SCAMP1: variants seen among roughly 807,000 people sequenced by gnomAD.
SCAMP1 encodes the protein secretory carrier-associated membrane protein 1.
A neutral mutation model predicts 41.8 loss-of-function variants in SCAMP1; 15 were observed. The observed-to-expected ratio is 0.36, with a 90% CI of 0.24 to 0.55. The LOEUF is 0.55. SCAMP1 is among the 20% of genes least tolerant of loss of function. The probability of loss-of-function intolerance (pLI) is 0.86; values close to 1 mark genes in which losing one functional copy is unlikely to be tolerated. For synonymous variants in SCAMP1, 135 were observed against 136.8 expected (o/e 0.99, Z 0.09); for missense variants, 341 against 412.6 (o/e 0.83, Z 1.50).
At chr5:78,428,289 C>T (rs1752516501) in intron 6 of SCAMP1, among the ~76,000 whole-genome samples, 1 of 152,052 alleles carries the variant, frequency 6.6e-6, no homozygotes, top group African/African-American at 2.4e-5. Flanking sequence ...CCAAATATTC[C>T]TCCACTACTT....
intron 2 of SCAMP1, among the ~76,000 whole-genome samples, chr5:78,395,870 A>G (rs1402343794): frequency 6.6e-6 from 1 of 152,232 alleles, no homozygotes; most frequent in Non-Finnish European, 1.5e-5. Flanking sequence ...GTGACATTCC[A>G]TCATTTTTAC....
At chr5:78,433,077 T>C (rs745346555) in intron 6 of SCAMP1, among the ~76,000 whole-genome samples, 50 of 152,170 alleles carry the variant, frequency 3.3e-4, no homozygotes, top group Non-Finnish European at 5.9e-4. Flanking sequence ...CCATATCCAT[T>C]TGGTAATTTC....
intron 1 of SCAMP1, among the ~76,000 whole-genome samples, chr5:78,387,874 G>A (rs1016295331): frequency 1.9e-4 from 29 of 152,354 alleles, no homozygotes; most frequent in African/African-American, 7.0e-4. Context: ...GCAGAGTGAA[G>A]TGGATATTTT....
chr5:78,403,402 G>GTA (rs985404916), intron 2 of SCAMP1, among the ~76,000 whole-genome samples: 3 of 151,720 alleles, frequency 2.0e-5, no homozygotes, highest in Non-Finnish European at 4.4e-5. Flanking sequence ...ACATATATAT[G>GTA]TATATATATA....
rs935833193 is a variant in SCAMP1 at position 78,415,459 on chromosome 5, T to G, written c.136-61T>G. ...TTTCATTTTATTGGTGTTATACTTT[T>G]TGAAAGAAGTTAAAGTTGGATCTCT... On this transcript the variant is annotated intron_variant, in intron 2 of 8. Transcript: ENST00000621999. 5 of 1,000,496 alleles carry G rather than the reference T, an allele frequency of 5.0e-6. No individual in the cohort carries two copies. The African/African-American group carries it at 6.5e-5, about 13-fold the overall frequency. The allele number at this position is 1,000,496 out of a possible 1,614,324, so 62.0% of individuals were successfully genotyped here. A position where few individuals can be genotyped will look rare whatever the true frequency, so the allele number is the denominator to read the frequency against.
At chr5:78,448,129 CTCT>C (rs1459777235) in intron 6 of SCAMP1, among the ~76,000 whole-genome samples, 2 of 47,584 alleles carry the variant, frequency 4.2e-5, no homozygotes, top group Non-Finnish European at 8.1e-5. Flanking sequence ...CTACTTCTTC[CTCT>C]TCTTCCTCCT....
At chr5:78,366,998 G>A (rs1230843475) in intron 1 of SCAMP1, among the ~76,000 whole-genome samples, 1 of 151,886 alleles carries the variant, frequency 6.6e-6, no homozygotes, top group Non-Finnish European at 1.5e-5. Context: ...ATAGCACTAG[G>A]AAAGTATTCT....
intron 8 of SCAMP1, among the ~76,000 whole-genome samples, chr5:78,461,675 G>A (rs1203982886): frequency 6.6e-6 from 1 of 152,136 alleles, no homozygotes; most frequent in Non-Finnish European, 1.5e-5. Flanking sequence ...TGATTCTCAT[G>A]CCTCAGACAG....
intron 6 of SCAMP1, among the ~76,000 whole-genome samples, chr5:78,439,733 C>G (rs116187222): frequency 0.011 from 1,610 of 152,156 alleles, 36 homozygotes; most frequent in African/African-American, 0.037. Flanking sequence ...GTGGCGTTCT[C>G]TGTATTTCAT....
At chr5:78,468,876 T>C (rs1753805609) in intron 8 of SCAMP1, among the ~76,000 whole-genome samples, 1 of 152,144 alleles carries the variant, frequency 6.6e-6, no homozygotes, top group South Asian at 2.1e-4. Flanking sequence ...GTGATAGTTT[T>C]CTTAGGTGAA....
intron 7 of SCAMP1, chr5:78,457,703 T>G (rs1753458101): frequency 6.5e-6 from 1 of 153,492 alleles, no homozygotes; most frequent in African/African-American, 2.4e-5. Context: ...TGAGCTGTGG[T>G]GGGCTCCACC....
chr5:78,459,797 A>G (rs1324715097), intron 8 of SCAMP1, among the ~76,000 whole-genome samples: 1 of 152,168 alleles, frequency 6.6e-6, no homozygotes, highest in Non-Finnish European at 1.5e-5. Flanking sequence ...CAGAGGGAAC[A>G]TGTGCAGGTT....
At chr5:78,395,983 C>T (rs373702521) in intron 2 of SCAMP1, among the ~76,000 whole-genome samples, 147 of 152,282 alleles carry the variant, frequency 9.7e-4, no homozygotes, top group African/African-American at 3.3e-3. Context: ...CCTTAGGGTA[C>T]ACTTTAGAGT....
chr5:78,409,445 A>ACACACACG (rs1752016191), intron 2 of SCAMP1, among the ~76,000 whole-genome samples: 1 of 151,220 alleles, frequency 6.6e-6, no homozygotes, highest in African/African-American at 2.5e-5. Flanking sequence ...ACACACACAC[A>ACACACACG]CACGCATACA....
chr5:78,400,615 A>G (rs1751773600), intron 2 of SCAMP1, among the ~76,000 whole-genome samples: 1 of 152,242 alleles, frequency 6.6e-6, no homozygotes, highest in Non-Finnish European at 1.5e-5. Flanking sequence ...AGATGTTTAT[A>G]TAAATGGTAT....
intron 8 of SCAMP1, among the ~76,000 whole-genome samples, chr5:78,473,293 C>T (rs950864405): frequency 2.6e-5 from 4 of 152,096 alleles, no homozygotes; most frequent in East Asian, 1.9e-4. Context: ...TGTCTTGTAC[C>T]GTGATAGATT....
chr5:78,476,956 T>G lies in SCAMP1; in HGVS notation c.*1288T>G, dbSNP rs1305561645. 6.6e-6 allele frequency: 1 copy of G among 152,152 alleles called. No individual in the cohort carries two copies. The highest frequency in any genetic ancestry group is 1.5e-5 in the Non-Finnish European group (1 of 67,990). The allele number at this position is 152,152 out of a possible 1,614,324, so 9.4% of individuals were successfully genotyped here. ...ACCTTTGAATCAATTTTACCACTGATTAAATAAATGACTCAAAGACATCTG... is the reference window on the plus strand; with the variant it reads ...ACCTTTGAATCAATTTTACCACTGAGTAAATAAATGACTCAAAGACATCTG... On this transcript the variant is annotated 3_prime_UTR_variant, in exon 9 of 9. Transcript: ENST00000621999.
intron 6 of SCAMP1, among the ~76,000 whole-genome samples, chr5:78,424,406 G>T (rs77596988): frequency 6.6e-6 from 1 of 152,054 alleles, no homozygotes. Context: ...ACATGAAGTT[G>T]TCATTTTGTT....
chr5:78,398,725 A>T (rs946847691), intron 2 of SCAMP1, among the ~76,000 whole-genome samples: 1 of 151,352 alleles, frequency 6.6e-6, no homozygotes, highest in Non-Finnish European at 1.5e-5. Context: ...TTGTATTTTT[A>T]GTAGAGACGG....
Sources: gnomAD v4.1 joint callset for allele counts (sites outside exome capture counted in the v4.1 genomes callset) on GRCh38, gnomAD v4.1.1 for gene constraint, MANE v1.5 for transcripts, NCBI Gene and HGNC (gene_info 2026-07-23, HGNC 2026-07-21) for gene names.